Variants in SH3GLB2 observed in about 807,000 individuals in gnomAD.
The protein encoded by SH3GLB2 is SH3 domain containing GRB2 like, endophilin B2.
A neutral mutation model predicts 48.0 loss-of-function variants in SH3GLB2; 24 were observed. The observed-to-expected ratio is 0.50, with a 90% CI of 0.36 to 0.70. The LOEUF (loss-of-function observed/expected upper bound fraction) is 0.70, where lower values mean the gene tolerates loss of function less well. SH3GLB2 is among the 30% of genes least tolerant of loss of function. The pLI, the probability that SH3GLB2 is intolerant of heterozygous loss-of-function variation, is 0.00. For synonymous variants in SH3GLB2, 227 were observed against 207.6 expected (o/e 1.09, Z -0.80); for missense variants, 425 against 516.0 (o/e 0.82, Z 1.71).
intron 2 of SH3GLB2, among the ~76,000 whole-genome samples, 185 bp from the exon 3 acceptor site, chr9:129,021,404 C>T (rs1457217306): frequency 6.6e-6 from 1 of 152,172 alleles, no homozygotes; most frequent in Non-Finnish European, 1.5e-5. Flanking sequence ...GAGGAGGAAG[C>T]CAGGGCCCGT....
In SH3GLB2 at chr9:129,021,245, A is replaced by C. The variant is rs747222923; in HGVS notation, c.206-26T>G. 2.5e-6 allele frequency: 4 copies of C among 1,588,248 alleles called. No homozygotes were observed. In the African/African-American group the frequency reaches 5.4e-5, roughly 21 times the overall value. On this transcript the variant is annotated intron_variant, in intron 2 of 10. Coordinates refer to ENST00000372564, the MANE Select transcript of SH3GLB2 (RefSeq NM_020145.4). ...CTGTGGGGAGACAGCAGCCAAAGCCACAGGGCTCCTTAGTTCAAGCCCAAA... is the reference window on the plus strand; with the variant it reads ...CTGTGGGGAGACAGCAGCCAAAGCCCCAGGGCTCCTTAGTTCAAGCCCAAA...
chr9:129,010,292 C>T, intron 7 of SH3GLB2, 83 bp from the exon 8 acceptor site: 1 of 1,169,434 alleles, frequency 8.6e-7, no homozygotes, highest in Non-Finnish European at 1.3e-6. Context: ...TACCTGGGAG[C>T]CGCCTGTCCC....
At position 129,009,879 on chromosome 9, in the gene SH3GLB2, G is replaced by T; in HGVS notation, c.739-8C>A. ...GCAGCGCAGGTGGTTCACCTGCGGG[G>T]AAGAGGCCAGAGGCTGACTTCTAAC... On this transcript the variant is annotated splice_polypyrimidine_tract_variant and splice_region_variant and intron_variant, in intron 8 of 10. Coordinates refer to ENST00000372564, the MANE Select transcript of SH3GLB2 (RefSeq NM_020145.4). 1 of 1,611,810 alleles carries T rather than the reference G, an allele frequency of 6.2e-7. No homozygotes were observed. Among genetic ancestry groups the T allele is most frequent in the South Asian group, 1.1e-5 (1 of 90,780 alleles).
rs543279143 is a variant in SH3GLB2 at position 129,014,005 on chromosome 9, G to A, written c.561+406C>T. 6.4e-6 allele frequency: 3 copies of A among 467,178 alleles called. No homozygotes were observed. Among genetic ancestry groups the A allele is most frequent in the South Asian group, 1.5e-5 (1 of 64,644 alleles). The allele number at this position is 467,178 out of a possible 1,614,324, so 28.9% of individuals were successfully genotyped here. A position where few individuals can be genotyped will look rare whatever the true frequency, so the allele number is the denominator to read the frequency against. On this transcript the variant is annotated intron_variant, in intron 5 of 10. Coordinates refer to ENST00000372564, the MANE Select transcript of SH3GLB2 (RefSeq NM_020145.4). This position sits in a 1 kb window ranked among gnomAD's most constrained non-coding sequence, Gnocchi z 4.1. ...TCCCAGGTTTTCCACACCATCGTGG[G>A]GGCGCCTGAGCACAGGGACCCTCGG... is the stretch of plus-strand genomic sequence containing the variant.
rs1843091960 is a variant in SH3GLB2, at chr9:129,011,037, C to T, written c.625-344G>A. 1 of 359,776 alleles carries T rather than the reference C, an allele frequency of 2.8e-6. No individual in the cohort carries two copies. Among genetic ancestry groups the T allele is most frequent in the African/African-American group, 2.1e-5 (1 of 47,722 alleles). 22.3% of individuals were successfully genotyped at this position (359,776 alleles called of 1,614,324 possible). ...TGGCTCAGGCTGCTGGGCTGGGCGG[C>T]AGAACTGTGTGACCCTGGGCCAGTC... On this transcript the variant is annotated intron_variant, in intron 6 of 10. Coordinates refer to ENST00000372564, the MANE Select transcript of SH3GLB2 (RefSeq NM_020145.4). The surrounding 1 kb of genome is among the most constrained non-coding windows in gnomAD (Gnocchi z 4.5).
rs1489883809 is a variant in SH3GLB2, at chr9:129,022,175, AC to A, written c.205+106del. ...CCTTGAGCCCAAGAGTCTAGCTGAA[AC>A]CCCGGCTGCAGCCCCGCCCCACCTA... On this transcript the variant is annotated intron_variant, in intron 2 of 10. Transcript: ENST00000372564. The A allele has an allele frequency of 6.1e-6, 9 of 1,479,840 alleles. No homozygotes were observed. The Admixed American group carries it at 6.5e-5, about 11-fold the overall frequency. The allele number at this position is 1,479,840 out of a possible 1,614,324, so 91.7% of individuals were successfully genotyped here. A position where few individuals can be genotyped will look rare whatever the true frequency, so the allele number is the denominator to read the frequency against.
chr9:129,017,734 T>TG (rs1843517957), intron 3 of SH3GLB2, among the ~76,000 whole-genome samples: 1 of 149,000 alleles, frequency 6.7e-6, no homozygotes, highest in Non-Finnish European at 1.5e-5. Context: ...CCGTCTCCAC[T>TG]GAAAAAAAAA....
chr9:129,014,500 C>A lies in SH3GLB2; in HGVS notation c.472G>T (p.Glu158Ter). 1 of 1,551,586 alleles carries A rather than the reference C, an allele frequency of 6.4e-7. No homozygotes were observed. The highest frequency in any genetic ancestry group is 8.7e-7 in the Non-Finnish European group (1 of 1,147,010). The change falls in exon 5 of 11, where the codon GAG becomes TAG. Residue 158 changes from glutamate (E) to a stop codon, truncating the protein, a stop_gained. Coordinates refer to ENST00000372564, the MANE Select transcript of SH3GLB2 (RefSeq NM_020145.4). LOFTEE classifies it high-confidence loss of function. This position sits in a 1 kb window ranked among gnomAD's most constrained non-coding sequence, Gnocchi z 4.1. ...CGCCGGTTTTGGAGGAGCCGCCTCT[C>A]CTTCTACAGGGCAGGGCATGGGGAC... The part of the protein sequence containing the change: ...LEGDWKTISK[E>*]RRLLQNRRLD...
In SH3GLB2 at chr9:129,012,110, C is replaced by G. The variant is rs969545784; in HGVS notation, c.624+126G>C. 7.5e-6 allele frequency: 4 copies of G among 530,260 alleles called. No individual in the cohort carries two copies. The African/African-American group carries it at 7.9e-5, about 10-fold the overall frequency. The allele number at this position is 530,260 out of a possible 1,614,324, so 32.8% of individuals were successfully genotyped here. A position where few individuals can be genotyped will look rare whatever the true frequency, so the allele number is the denominator to read the frequency against. On this transcript the variant is annotated intron_variant, in intron 6 of 10. Coordinates refer to ENST00000372564, the MANE Select transcript of SH3GLB2 (RefSeq NM_020145.4). The stretch of plus-strand genomic sequence containing the variant: ...CCCTCCCCAGTGTCTCAGGACTGAC[C>G]TGATCACATGGCAGTGCCCCCGCCT...
chr9:129,018,142 C>T (rs932064973), intron 3 of SH3GLB2, among the ~76,000 whole-genome samples: 3 of 151,948 alleles, frequency 2.0e-5, no homozygotes, highest in Non-Finnish European at 2.9e-5. Context: ...ATTCTCTGAT[C>T]GCAGTGGAAT....
At position 129,007,919 on chromosome 9, in the gene SH3GLB2, G is replaced by C. The variant is rs1013412079; in HGVS notation, c.*765C>G. 21 of 152,234 alleles carry C rather than the reference G, an allele frequency of 1.4e-4. No homozygotes were observed. The highest frequency in any genetic ancestry group is 1.3e-4 in the Non-Finnish European group (9 of 68,072). The allele number at this position is 152,234 out of a possible 1,614,324, so 9.4% of individuals were successfully genotyped here. A position where few individuals can be genotyped will look rare whatever the true frequency, so the allele number is the denominator to read the frequency against. On this transcript the variant is annotated 3_prime_UTR_variant, in exon 11 of 11. Transcript: ENST00000372564. The stretch of plus-strand genomic sequence containing the variant: ...GGCTGCACTTCTTCCCAACTAGAGA[G>C]CTGGGGGCCGGGGCAGCCACAGGGC...
chr9:129,024,256 CAAAAAAAAAAAAA>C (rs1169096733), intron 1 of SH3GLB2, among the ~76,000 whole-genome samples: 2 of 54,520 alleles, frequency 3.7e-5, no homozygotes, highest in African/African-American at 1.6e-4. Context: ...CTCCTCTCTA[CAAAAAAAAAAAAA>C]AAAAAAAAAA....
intron 1 of SH3GLB2, among the ~76,000 whole-genome samples, chr9:129,024,962 T>A (rs1588340793): frequency 7.2e-6 from 1 of 139,624 alleles, no homozygotes. Flanking sequence ...AGAGCGAGAC[T>A]CCATCTCAAA....
intron 10 of SH3GLB2, 110 bp downstream of exon 10, chr9:129,008,996 G>C: frequency 6.5e-7 from 1 of 1,532,786 alleles, no homozygotes; most frequent in Middle Eastern, 1.9e-4. Flanking sequence ...TTAACCTGCT[G>C]GTCCCCACTT....
Position 129,028,096 on chromosome 9 carries a change from A to G in SH3GLB2, c.59T>C (p.Val20Ala). Residue 20 changes from valine to alanine, a missense_variant, in exon 1 of 11, where the codon GTG becomes GCG. Transcript: ENST00000372564. ...CGGCGCGACGCCAGGCCTCACCTGC[A>G]CCGCCCGGGTGAAGAAGATGCCCGC... Reference protein sequence around the residue: ...SDAGIFFTRAVQFTEEKFGQA... With the variant: ...SDAGIFFTRAAQFTEEKFGQA... The G allele has an allele frequency of 1.3e-6, 2 of 1,501,562 alleles. No homozygotes were observed. The highest frequency in any genetic ancestry group is 1.8e-6 in the Non-Finnish European group (2 of 1,128,466). The allele number at this position is 1,501,562 out of a possible 1,614,324, so 93.0% of individuals were successfully genotyped here. A position where few individuals can be genotyped will look rare whatever the true frequency, so the allele number is the denominator to read the frequency against.
Position 129,009,763 on chromosome 9 carries a change from C to A in SH3GLB2, c.839+8G>T, listed in dbSNP as rs748598788. ...GCCCCAGTGGGTTCAGCAGTGCTGG[C>A]CCCGCACCTGCCCAGCTGCTTCTGC... On this transcript the variant is annotated splice_region_variant and intron_variant, in intron 9 of 10. Transcript: ENST00000372564. The A allele has an allele frequency of 1.4e-5, 22 of 1,608,092 alleles. 1 individual carries two copies. Among genetic ancestry groups the A allele is most frequent in the South Asian group, 5.6e-5 (5 of 90,068 alleles).
Position 129,012,262 on chromosome 9 carries a change from A to G in SH3GLB2, c.598T>C (p.Tyr200His). The change falls in exon 6 of 11, where the codon TAC becomes CAC. Residue 200 changes from tyrosine (Y) to histidine (H), a missense_variant. By Grantham distance (83) the Tyr-to-His change is moderately conservative. Coordinates refer to ENST00000372564, the MANE Select transcript of SH3GLB2 (RefSeq NM_020145.4). ...GCGGAGGCGCTGGCCGAGAGAATGT[A>G]ATTACGAGGTCTAGTCTCCTGAAAG... ...PDFQETRPRNYILSASASALW... is the reference protein window; with the variant it reads ...PDFQETRPRNHILSASASALW... 7.7e-7 allele frequency: 1 copy of G among 1,300,260 alleles called. No homozygotes were observed. Among genetic ancestry groups the G allele is most frequent in the Non-Finnish European group, 9.8e-7 (1 of 1,017,038 alleles). The allele number at this position is 1,300,260 out of a possible 1,614,324, so 80.5% of individuals were successfully genotyped here.
At chr9:129,023,840 G>A (rs1843970767) in intron 1 of SH3GLB2, among the ~76,000 whole-genome samples, 1 of 152,138 alleles carries the variant, frequency 6.6e-6, no homozygotes, top group African/African-American at 2.4e-5. Flanking sequence ...CCCCACCCTG[G>A]CTGGCTCTGC....
At position 129,007,153 on chromosome 9, in the gene SH3GLB2, G is replaced by A. The variant is rs972753846; in HGVS notation, c.*1531C>T. On this transcript the variant is annotated 3_prime_UTR_variant, in exon 11 of 11. Coordinates refer to ENST00000372564, the MANE Select transcript of SH3GLB2 (RefSeq NM_020145.4). ...ATGACAACGTGGCTCTCAGAACCTA[G>A]AAAACTCCCCTGGCCAGGCGCCTGG... The A allele has an allele frequency of 2.0e-5, 3 of 152,468 alleles. No individual in the cohort carries two copies. Among genetic ancestry groups the A allele is most frequent in the African/African-American group, 7.2e-5 (3 of 41,452 alleles). 9.4% of individuals were successfully genotyped at this position (152,468 alleles called of 1,614,324 possible).
Sources: gnomAD v4.1 joint callset for allele counts (sites outside exome capture counted in the v4.1 genomes callset) on GRCh38, gnomAD v4.1.1 for gene constraint, Gnocchi (gnomAD v3.1) non-coding constraint, MANE v1.5 for transcripts, NCBI Gene and HGNC (gene_info 2026-07-23, HGNC 2026-07-21) for gene names.